Variants in CCDC28A observed in about 807,000 individuals in gnomAD.
CCDC28A encodes coiled-coil domain-containing protein 28A.
Under a neutral mutation model 22.1 loss-of-function variants are expected in CCDC28A, and 24 were observed. That is an observed-to-expected ratio of 1.09 (90% CI 0.79 to 1.53). The LOEUF is 1.53. CCDC28A is among the 40% of genes most tolerant of loss of function. The pLI is 0.00. For missense variants in CCDC28A, 170 were observed against 210.7 expected, an observed-to-expected ratio of 0.81 and a Z score of 1.20; for synonymous variants, 83 against 74.7, an observed-to-expected ratio of 1.11 and a Z score of -0.57.
chr6:138,779,996 G>A lies in CCDC28A; in HGVS notation c.322+11G>A, dbSNP rs1774993232. On this transcript the variant is annotated intron_variant, in intron 3 of 5. Coordinates refer to ENST00000617445, the MANE Select transcript of CCDC28A (RefSeq NM_015439.3). ...AACTTCAAGCATTTGGTAAGCAATA[G>A]ATGTTTCTGTATTATTTTTTTCTCT... 1 of 1,593,902 alleles carries A rather than the reference G, an allele frequency of 6.3e-7. No homozygotes were observed. The highest frequency in any genetic ancestry group is 8.5e-7 in the Non-Finnish European group (1 of 1,169,790).
intron 2 of CCDC28A, among the ~76,000 whole-genome samples, chr6:138,777,727 G>A (rs1301567244): frequency 6.6e-6 from 1 of 152,096 alleles, no homozygotes; most frequent in Non-Finnish European, 1.5e-5. Flanking sequence ...GGAATAAACA[G>A]GTTTTTGTTT....
At chr6:138,775,488 A>G (rs1005411205) in intron 1 of CCDC28A, among the ~76,000 whole-genome samples, 2 of 152,262 alleles carry the variant, frequency 1.3e-5, no homozygotes, top group Non-Finnish European at 2.9e-5. Context: ...AACTTCACTT[A>G]TCACCAAGCT....
intron 2 of CCDC28A, among the ~76,000 whole-genome samples, chr6:138,777,036 T>C (rs1163395056): frequency 2.6e-5 from 4 of 152,216 alleles, no homozygotes; most frequent in African/African-American, 9.7e-5. Flanking sequence ...TATGTTACTG[T>C]TACATATATG....
At chr6:138,780,018 C>G (rs1774993668) in intron 3 of CCDC28A, 33 bp downstream of exon 3, 1 of 1,513,714 alleles carries the variant, frequency 6.6e-7, no homozygotes, top group East Asian at 2.4e-5. Context: ...TTATTTTTTT[C>G]TCTAAGATGT....
At chr6:138,785,136 C>A (rs1170096537) in intron 3 of CCDC28A, 91 bp from the exon 4 acceptor site, 7 of 725,226 alleles carry the variant, frequency 9.7e-6, no homozygotes, top group Non-Finnish European at 1.5e-5. Context: ...AAACCTGTTT[C>A]TTTTAGAGCA....
chr6:138,783,076 A>G (rs1775043815), intron 3 of CCDC28A, among the ~76,000 whole-genome samples: 1 of 152,190 alleles, frequency 6.6e-6, no homozygotes, highest in East Asian at 1.9e-4. Flanking sequence ...CTCTTGGTCA[A>G]TATGTAATGT....
intron 1 of CCDC28A, among the ~76,000 whole-genome samples, chr6:138,774,237 A>G (rs966797152): frequency 5.9e-5 from 9 of 152,228 alleles, no homozygotes; most frequent in African/African-American, 2.2e-4. Context: ...GCTCCGCAGA[A>G]TATTGTGGTT....
At chr6:138,783,394 A>T (rs1775048255) in intron 3 of CCDC28A, among the ~76,000 whole-genome samples, 2 of 144,670 alleles carry the variant, frequency 1.4e-5, no homozygotes, top group African/African-American at 2.6e-5. Flanking sequence ...TCAGCCTCCC[A>T]AGTAGCTGGT....
chr6:138,788,504 A>T, intron 5 of CCDC28A, 116 bp downstream of exon 5: 1 of 450,944 alleles, frequency 2.2e-6, no homozygotes, highest in Non-Finnish European at 4.1e-6. Flanking sequence ...AAAGACACGT[A>T]GTATTATTCA....
At chr6:138,775,761 A>T (rs751441259) in intron 1 of CCDC28A, among the ~76,000 whole-genome samples, 4 of 152,204 alleles carry the variant, frequency 2.6e-5, no homozygotes, top group Admixed American at 6.5e-5. Context: ...CTTGAGGTCA[A>T]ACACCTTGTT....
chr6:138,774,288 AT>A (rs377324942), intron 1 of CCDC28A, among the ~76,000 whole-genome samples: 5 of 151,568 alleles, frequency 3.3e-5, no homozygotes, highest in Admixed American at 3.3e-4. Flanking sequence ...TACTTCCTAG[AT>A]TTTTTTTTCT....
chr6:138,778,926 C>G (rs1175103736), intron 2 of CCDC28A, among the ~76,000 whole-genome samples: 2 of 152,104 alleles, frequency 1.3e-5, no homozygotes, highest in Non-Finnish European at 2.9e-5. Flanking sequence ...CACCACCACA[C>G]CAGGCTAATT....
At chr6:138,777,726 A>G (rs1382023473) in intron 2 of CCDC28A, among the ~76,000 whole-genome samples, 1 of 152,178 alleles carries the variant, frequency 6.6e-6, no homozygotes, top group Non-Finnish European at 1.5e-5. Context: ...AGGAATAAAC[A>G]GGTTTTTGTT....
chr6:138,783,132 C>T (rs1775044648), intron 3 of CCDC28A, among the ~76,000 whole-genome samples: 2 of 151,970 alleles, frequency 1.3e-5, no homozygotes, highest in African/African-American at 2.4e-5. Flanking sequence ...ACTGTGTGTA[C>T]AATTAAAAAT....
chr6:138,785,499 T>G (rs1046710292), intron 4 of CCDC28A, 118 bp downstream of exon 4: 1 of 699,286 alleles, frequency 1.4e-6, no homozygotes, highest in African/African-American at 1.8e-5. Context: ...CACAGTGTTG[T>G]GCCGATCGCT....
chr6:138,779,878 C>T lies in CCDC28A; in HGVS notation c.215C>T (p.Thr72Ile). The T allele has an allele frequency of 6.2e-7, 1 of 1,613,910 alleles. No individual in the cohort carries two copies. Among genetic ancestry groups the T allele is most frequent in the Non-Finnish European group, 8.5e-7 (1 of 1,179,792 alleles). The part of the protein sequence containing the change: ...QGGEGKGAQS[T>I]PIQHSFLTDV... Reference sequence around the variant, plus strand: ...GGAGAGGGCAAAGGCGCTCAGTCAACTCCGATCCAGCACTCCTTCCTCACT... The same window carrying T: ...GGAGAGGGCAAAGGCGCTCAGTCAATTCCGATCCAGCACTCCTTCCTCACT... Residue 72 changes from threonine (T) to isoleucine (I), a missense_variant, in exon 3 of 6, where the codon ACT becomes ATT. Transcript: ENST00000617445.
At chr6:138,785,404 G>C in intron 4 of CCDC28A, 23 bp downstream of exon 4, 1 of 1,569,748 alleles carries the variant, frequency 6.4e-7, no homozygotes, top group East Asian at 2.3e-5. Context: ...CTTTTTCTTT[G>C]TTCTTTAAAA....
Position 138,792,788 on chromosome 6 carries a change from T to TA in CCDC28A, c.541dup (p.Thr181AsnfsTer4). 1.9e-6 allele frequency: 3 copies of TA among 1,608,278 alleles called. No homozygotes were observed. ...TGGCAGATGCACAAGATGTTCCAAA[T>TA]ACTTCTGCTAGCTAAAATGAAATGT... On this transcript the variant is annotated frameshift_variant, in exon 6 of 6. Coordinates refer to ENST00000617445, the MANE Select transcript of CCDC28A (RefSeq NM_015439.3). LOFTEE classifies it high-confidence loss of function.
chr6:138,774,935 T>TG (rs1174321846), intron 1 of CCDC28A, among the ~76,000 whole-genome samples: 7 of 151,802 alleles, frequency 4.6e-5, no homozygotes, highest in Non-Finnish European at 7.4e-5. Flanking sequence ...TGGAAGGGGT[T>TG]TTTTTGTTTT....
Sources: allele counts gnomAD v4.1 joint callset (sites outside exome capture counted in the v4.1 genomes callset), GRCh38; gene constraint gnomAD v4.1.1; transcripts MANE v1.5; gene names NCBI Gene and HGNC (gene_info 2026-07-23, HGNC 2026-07-21).